Variants in CDH17 observed in about 807,000 individuals in gnomAD.
CDH17 encodes cadherin-17.
A neutral mutation model predicts 86.3 loss-of-function variants in CDH17; 67 were observed. That is an observed-to-expected ratio of 0.78 (90% CI 0.64 to 0.95). The LOEUF (loss-of-function observed/expected upper bound fraction) is 0.95. Among genes scored for constraint, CDH17 ranks in the 40% least tolerant of loss-of-function variants. The pLI, the probability that CDH17 is intolerant of heterozygous loss-of-function variation, is 0.00. For synonymous variants in CDH17, 367 were observed against 366.4 expected (o/e 1.00, Z -0.02); for missense variants, 993 against 1,017.6 (o/e 0.98, Z 0.33).
chr8:94,209,262 A>G (rs1814084903), upstream of CDH17, among the ~76,000 whole-genome samples: 1 of 152,184 alleles, frequency 6.6e-6, no homozygotes, highest in African/African-American at 2.4e-5. Flanking sequence ...AGATTTCTCA[A>G]GTCAAGGCTT....
chr8:94,160,229 A>C, intron 11 of CDH17, 67 bp from the exon 12 acceptor site: 2 of 1,228,750 alleles, frequency 1.6e-6, no homozygotes, highest in Non-Finnish European at 2.3e-6. Context: ...GGACAAACTT[A>C]TCTCTCTGGT....
At chr8:94,182,626 G>A (rs1048556511) in intron 3 of CDH17, among the ~76,000 whole-genome samples, 3 of 151,980 alleles carry the variant, frequency 2.0e-5, no homozygotes, top group African/African-American at 7.2e-5. Flanking sequence ...AGCCTAATAA[G>A]GACACCGAAG....
chr8:94,148,721 GTT>G (rs151133817), intron 14 of CDH17, 21 bp downstream of exon 14: 19,123 of 1,094,144 alleles, frequency 0.017, no homozygotes, highest in Non-Finnish European at 0.018. Flanking sequence ...CTTTTTTTTT[GTT>G]TTTTTTTTTT....
upstream of CDH17, among the ~76,000 whole-genome samples, chr8:94,212,602 A>C (rs1362026247): frequency 7.3e-6 from 1 of 137,248 alleles, no homozygotes; most frequent in African/African-American, 2.6e-5. Flanking sequence ...AGTAAGAAAC[A>C]CTGAATCATA....
chr8:94,139,898 AT>A (rs1342069960), intron 15 of CDH17, among the ~76,000 whole-genome samples: 3 of 116,760 alleles, frequency 2.6e-5, no homozygotes, highest in African/African-American at 1.0e-4. Context: ...AAAATAAAAA[AT>A]AAATAAAAAA....
rs371609706 is a variant in CDH17, at chr8:94,128,288, A to T, written c.2451T>A (p.Asp817Glu). The T allele has an allele frequency of 6.2e-7, 1 of 1,613,700 alleles. No individual in the cohort carries two copies. The change falls in exon 18 of 18, where the codon GAT becomes GAA. Residue 817 changes from aspartate to glutamate, a missense_variant. By Grantham distance (45) the Asp-to-Glu change is conservative. Transcript: ENST00000027335. The stretch of plus-strand genomic sequence containing the variant: ...CAGATGCTTGAGCACTTTCAACATT[A>T]TCTTTGCCTTTATCCTTCTTTATGC... ...FIRIKKDKGK[D>E]NVESAQASEV...
At chr8:94,148,943 C>A (rs553085390) in intron 13 of CDH17, 69 bp from the exon 14 acceptor site, 2 of 1,384,886 alleles carry the variant, frequency 1.4e-6, no homozygotes, top group Non-Finnish European at 2.0e-6. Context: ...CTAGTTTGTG[C>A]GTCAACTAAA....
intron 13 of CDH17, among the ~76,000 whole-genome samples, chr8:94,151,648 A>G (rs1394834416): frequency 6.6e-6 from 1 of 152,224 alleles, no homozygotes; most frequent in African/African-American, 2.4e-5. Context: ...ATGGAACCTC[A>G]TGCTGCTTCC....
chr8:94,170,423 A>T lies in CDH17; in HGVS notation c.1040T>A (p.Phe347Tyr), dbSNP rs759698338. The T allele has an allele frequency of 1.9e-6, 3 of 1,613,840 alleles. No homozygotes were observed. The highest frequency in any genetic ancestry group is 1.7e-6 in the Non-Finnish European group (2 of 1,179,828). Reference protein sequence around the residue: ...PPTCPSPVTVFEVQENERLGN... With the variant: ...PPTCPSPVTVYEVQENERLGN... ...CAGTCGTTCATTCTCCTGGACCTCA[A>T]ATACGGTTACTGGTGACGGACATGT... Residue 347 changes from phenylalanine to tyrosine, a missense_variant, in exon 9 of 18, where the codon TTT (phenylalanine) becomes TAT (tyrosine). Physicochemically the swap from Phe to Tyr is conservative, Grantham distance 22 (BLOSUM62 3). Transcript: ENST00000027335.
intron 1 of CDH17, among the ~76,000 whole-genome samples, chr8:94,199,009 G>A (rs1813839354): frequency 1.5e-5 from 2 of 137,402 alleles, no homozygotes; most frequent in South Asian, 2.3e-4. Context: ...TTTCCAGCCA[G>A]TCTCTTCCTC....
intron 17 of CDH17, 35 bp from the exon 18 acceptor site, chr8:94,128,375 C>T (rs1194938424): frequency 2.3e-6 from 3 of 1,302,548 alleles, no homozygotes; most frequent in South Asian, 2.4e-5. Flanking sequence ...ATAAATGGGA[C>T]CTTTTAAAAT....
At chr8:94,153,844 G>A (rs1444444808) in intron 12 of CDH17, among the ~76,000 whole-genome samples, 1 of 152,158 alleles carries the variant, frequency 6.6e-6, no homozygotes, top group East Asian at 1.9e-4. Context: ...GGAATCTAAA[G>A]GTGTTGAACT....
intron 12 of CDH17, among the ~76,000 whole-genome samples, chr8:94,154,063 G>C (rs1264810070): frequency 1.3e-5 from 2 of 152,150 alleles, no homozygotes; most frequent in African/African-American, 4.8e-5. Context: ...GATAAGTGAG[G>C]TAATTCAGAT....
intron 3 of CDH17, among the ~76,000 whole-genome samples, chr8:94,184,119 TA>T (rs1813532641): frequency 6.6e-6 from 1 of 151,826 alleles, no homozygotes. Flanking sequence ...GGTGAAAATG[TA>T]AAATGGTTCA....
At chr8:94,209,454 G>C (rs1814087473), upstream of CDH17, among the ~76,000 whole-genome samples, 1 of 152,130 alleles carries the variant, frequency 6.6e-6, no homozygotes, top group African/African-American at 2.4e-5. Context: ...CTCCAGGTGT[G>C]CATCTGACAG....
At chr8:94,150,281 A>T (rs1333155669) in intron 13 of CDH17, among the ~76,000 whole-genome samples, 2 of 152,172 alleles carry the variant, frequency 1.3e-5, no homozygotes, top group Non-Finnish European at 2.9e-5. Context: ...CAATTCAGTG[A>T]GTAGATTCAG....
intron 1 of CDH17, chr8:94,217,106 TC>T (rs1254025626): frequency 6.6e-6 from 1 of 150,986 alleles, no homozygotes; most frequent in Admixed American, 6.7e-5. Flanking sequence ...CGGATCTGAT[TC>T]AAAAAATAAT....
intron 10 of CDH17, among the ~76,000 whole-genome samples, chr8:94,165,129 G>GA: frequency 6.6e-6 from 1 of 152,296 alleles, no homozygotes; most frequent in Non-Finnish European, 1.5e-5. Context: ...ATGTTCTGCA[G>GA]AATGTGCCTG....
In CDH17 at chr8:94,173,793, C is replaced by G. The variant is rs978041951; in HGVS notation, c.783+4G>C. The G allele has an allele frequency of 1.2e-6, 2 of 1,612,654 alleles. No homozygotes were observed. Among genetic ancestry groups the G allele is most frequent in the Admixed American group, 3.3e-5 (2 of 60,010 alleles). On this transcript the variant is annotated splice_donor_region_variant and intron_variant, in intron 7 of 17. Transcript: ENST00000027335. ...TCTCAGTGTTACTTGGGCTTGGGTA[C>G]TACCTGAGTGATTTTGATGGGGTGA... is the stretch of plus-strand genomic sequence containing the variant.
Sources: allele counts gnomAD v4.1 joint callset (sites outside exome capture counted in the v4.1 genomes callset), GRCh38; gene constraint gnomAD v4.1.1; transcripts MANE v1.5; gene names NCBI Gene and HGNC (gene_info 2026-07-23, HGNC 2026-07-21).